XIRP2: variants seen among roughly 807,000 people sequenced by gnomAD.
XIRP2 encodes xin actin binding repeat containing 2.
A neutral mutation model predicts 277.0 loss-of-function variants in XIRP2; 236 were observed. That is an observed-to-expected ratio of 0.85 (90% CI 0.77 to 0.95). The LOEUF is 0.95. Among genes scored for constraint, XIRP2 ranks in the 40% least tolerant of loss-of-function variants. The pLI is 0.00. For missense variants in XIRP2, 4,640 were observed against 4,157.5 expected, an observed-to-expected ratio of 1.12 and a Z score of -3.19; for synonymous variants, 1,490 against 1,416.5, an observed-to-expected ratio of 1.05 and a Z score of -1.17.
intron 2 of XIRP2, among the ~76,000 whole-genome samples, chr2:167,073,873 C>A (rs144552355): frequency 4.5e-4 from 69 of 152,290 alleles, no homozygotes; most frequent in African/African-American, 1.5e-3. Context: ...TTTGGAACCT[C>A]ATCTTTGATT....
At chr2:166,985,933 G>T (rs1442594428) in intron 2 of XIRP2, among the ~76,000 whole-genome samples, 2 of 152,132 alleles carry the variant, frequency 1.3e-5, no homozygotes, top group South Asian at 4.1e-4. Context: ...GGCAGAGCAG[G>T]CTCTTAATTG....
chr2:167,169,747 G>A (rs1245646372), intron 3 of XIRP2, among the ~76,000 whole-genome samples: 1 of 151,942 alleles, frequency 6.6e-6, no homozygotes, highest in African/African-American at 2.4e-5. Context: ...TATTTATTTG[G>A]GTATATTGTA....
At chr2:167,012,451 T>G (rs1050660579) in intron 2 of XIRP2, among the ~76,000 whole-genome samples, 45 of 151,706 alleles carry the variant, frequency 3.0e-4, no homozygotes, top group Non-Finnish European at 5.9e-5. Context: ...ATGATTATAA[T>G]ACACCTAAAA....
At position 166,892,796 on chromosome 2, in the gene XIRP2, C is replaced by T. The variant is rs569804553; in HGVS notation, c.-19+4239C>T. On this transcript the variant is annotated intron_variant, in intron 1 of 10. Transcript: ENST00000409195. ...ATCACTTGCAGTCAGCCTCAGAGAT[C>T]ATTTCATAGAAGATATATATATATA... Among the ~76,000 whole-genome samples the T allele has an allele frequency of 2.5e-4, 32 of 129,356 alleles. 1 individual carries two copies. The highest frequency in any genetic ancestry group is 2.4e-3 in the Admixed American group (27 of 11,266). The allele number at this position is 129,356 out of a possible 152,430, so 84.9% of individuals were successfully genotyped here. A position where few individuals can be genotyped will look rare whatever the true frequency, so the allele number is the denominator to read the frequency against.
At chr2:167,081,579 C>T (rs1689738295) in intron 2 of XIRP2, among the ~76,000 whole-genome samples, 1 of 152,192 alleles carries the variant, frequency 6.6e-6, no homozygotes, top group Admixed American at 6.5e-5. Flanking sequence ...ACTATTCTCA[C>T]AATAAAGTGT....
At chr2:167,016,607 A>G (rs775081889) in intron 2 of XIRP2, among the ~76,000 whole-genome samples, 7 of 151,938 alleles carry the variant, frequency 4.6e-5, no homozygotes, top group Admixed American at 2.6e-4. Context: ...CTTGGTTCCT[A>G]TGTTAGTTTA....
intron 2 of XIRP2, among the ~76,000 whole-genome samples, chr2:166,916,429 A>G (rs1017634901): frequency 2.0e-5 from 3 of 152,156 alleles, no homozygotes; most frequent in African/African-American, 7.2e-5. Context: ...AGCATGATGT[A>G]TTTCTGTAAA....
intron 3 of XIRP2, among the ~76,000 whole-genome samples, chr2:167,174,016 C>T (rs1692769458): frequency 6.6e-6 from 1 of 152,070 alleles, no homozygotes; most frequent in Non-Finnish European, 1.5e-5. Context: ...TTCGGTTTGC[C>T]AGTATTTTAT....
At position 167,210,823 on chromosome 2, in the gene XIRP2, C is replaced by A. The variant is rs1694004042; in HGVS notation, c.651C>A (p.Val217=). ...GEGVSDLHEV[V]SLKERMARYQ... ...GTGTGTCAGACCTCCACGAAGTGGT[C>A]TCCCTGAAGGAGCGGATGGCGAGGT... Residue 217 remains valine (V), a synonymous_variant, in exon 4 of 11, where the codon GTC becomes GTA. Coordinates refer to ENST00000409195, the MANE Select transcript of XIRP2 (RefSeq NM_152381.6). 2 of 1,614,100 alleles carry A rather than the reference C, an allele frequency of 1.2e-6. No homozygotes were observed. The highest frequency in any genetic ancestry group is 1.3e-5 in the African/African-American group (1 of 74,948).
At chr2:167,098,826 G>T (rs1015821776) in intron 2 of XIRP2, among the ~76,000 whole-genome samples, 2 of 152,162 alleles carry the variant, frequency 1.3e-5, no homozygotes, top group Non-Finnish European at 2.9e-5. Flanking sequence ...GCTGGAGTTT[G>T]CTGTGGGTCC....
chr2:167,100,668 G>A (rs1295105585), intron 2 of XIRP2, among the ~76,000 whole-genome samples: 1 of 152,218 alleles, frequency 6.6e-6, no homozygotes, highest in African/African-American at 2.4e-5. Flanking sequence ...TAGATTAAAA[G>A]CAAGTAAGCA....
chr2:167,061,778 C>T (rs984434677), intron 2 of XIRP2, among the ~76,000 whole-genome samples: 19 of 151,724 alleles, frequency 1.3e-4, no homozygotes, highest in Non-Finnish European at 2.5e-4. Context: ...GAAGGATTGC[C>T]GGCAACCACC....
At chr2:167,092,518 G>A (rs1240875833) in intron 2 of XIRP2, among the ~76,000 whole-genome samples, 2 of 151,928 alleles carry the variant, frequency 1.3e-5, no homozygotes, top group East Asian at 1.9e-4. Flanking sequence ...TTTCTGGGTG[G>A]CACTATAGTT....
intron 2 of XIRP2, among the ~76,000 whole-genome samples, chr2:166,913,004 A>G (rs1184219653): frequency 4.6e-5 from 7 of 152,156 alleles, no homozygotes; most frequent in African/African-American, 1.2e-4. Flanking sequence ...TGAGGTGTCA[A>G]TCTGCCCCTA....
At position 167,045,691 on chromosome 2, in the gene XIRP2, C is replaced by A. The variant is rs1237172092; in HGVS notation, c.409-90218C>A. Among the ~76,000 whole-genome samples, 5 of 151,958 alleles carry A rather than the reference C, an allele frequency of 3.3e-5. No individual in the cohort carries two copies. The East Asian group carries it at 5.8e-4, about 18-fold the overall frequency. ...AATCAAAACCACAATGAGATACCAT[C>A]CCACACCAGTAAGAATGGCTATAAT... On this transcript the variant is annotated intron_variant, in intron 2 of 10. Transcript: ENST00000409195.
chr2:166,933,153 A>ATTT (rs111796420), intron 2 of XIRP2, among the ~76,000 whole-genome samples: 4 of 144,514 alleles, frequency 2.8e-5, no homozygotes, highest in African/African-American at 1.0e-4. Flanking sequence ...TTATATATCA[A>ATTT]TTTTTTTTTT....
In XIRP2 at chr2:167,017,675, G is replaced by A. The variant is rs77321023; in HGVS notation, c.408+113785G>A. 6.1e-3 allele frequency among the ~76,000 whole-genome samples: 921 copies of A among 151,912 alleles called. 80 individuals are homozygous for A. The East Asian group carries it at 0.16, about 27-fold the overall frequency. ...TCCTGCTTCCACCTCTTGGTTCCTC[G>A]ACTCATGTAGAAGTCTTATTGGGGA... On this transcript the variant is annotated intron_variant, in intron 2 of 10. Coordinates refer to ENST00000409195, the MANE Select transcript of XIRP2 (RefSeq NM_152381.6).
chr2:167,025,810 G>A (rs1688135613), intron 2 of XIRP2, among the ~76,000 whole-genome samples: 1 of 152,070 alleles, frequency 6.6e-6, no homozygotes, highest in Admixed American at 6.6e-5. Context: ...TTGCACTGTG[G>A]TCTGAGAGAC....
chr2:167,169,177 C>T (rs570587964), intron 3 of XIRP2, among the ~76,000 whole-genome samples: 24 of 152,284 alleles, frequency 1.6e-4, no homozygotes, highest in East Asian at 7.7e-4. Flanking sequence ...TTCTCCTTGA[C>T]GGCAAACTCT....
Sources: allele counts gnomAD v4.1 joint callset (sites outside exome capture counted in the v4.1 genomes callset), GRCh38; gene constraint gnomAD v4.1.1; transcripts MANE v1.5; gene names NCBI Gene and HGNC (gene_info 2026-07-23, HGNC 2026-07-21).